The following VPS45 variants were observed in gnomAD, a reference collection of about 807,000 sequenced individuals.
VPS45 encodes vacuolar protein sorting-associated protein 45.
VPS45 carries 35 observed loss-of-function variants against 75.9 expected under a neutral mutation model. That is an observed-to-expected ratio of 0.46 (90% confidence interval 0.35 to 0.61). The LOEUF (loss-of-function observed/expected upper bound fraction) is 0.61, where lower values mean the gene tolerates loss of function less well. Among genes scored for constraint, VPS45 ranks in the 20% least tolerant of loss-of-function variants. The pLI, the probability that VPS45 is intolerant of heterozygous loss-of-function variation, is 0.00. For synonymous variants in VPS45, 220 were observed against 238.2 expected (o/e 0.92, Z 0.70); for missense variants, 559 against 685.9 (o/e 0.81, Z 2.07).
chr1:150,083,463 G>T (rs2101540957), intron 10 of VPS45, among the ~76,000 whole-genome samples: 1 of 151,904 alleles, frequency 6.6e-6, no homozygotes, highest in East Asian at 1.9e-4. Flanking sequence ...ACCAGCAATT[G>T]TAATACCAAG....
intron 13 of VPS45, among the ~76,000 whole-genome samples, chr1:150,103,274 A>G (rs1657139570): frequency 6.6e-6 from 1 of 152,136 alleles, no homozygotes; most frequent in Non-Finnish European, 1.5e-5. Flanking sequence ...AAGATTTGCT[A>G]TGTGTTTTAC....
chr1:150,106,682 GC>G (rs1266975037), intron 13 of VPS45, among the ~76,000 whole-genome samples: 1 of 151,878 alleles, frequency 6.6e-6, no homozygotes, highest in Non-Finnish European at 1.5e-5. Flanking sequence ...CTTCTTCTCT[GC>G]CGACTTCTTT....
chr1:150,091,350 T>TA (rs1356202639), intron 10 of VPS45, among the ~76,000 whole-genome samples: 3 of 152,198 alleles, frequency 2.0e-5, no homozygotes, highest in African/African-American at 7.2e-5. Flanking sequence ...ATATGAGGAT[T>TA]AAAAAATGTA....
rs782103891 is a variant in VPS45, at chr1:150,077,220, G to A, written c.565G>A (p.Glu189Lys). The change falls in exon 6 of 15, where the codon GAG (glutamate) becomes AAG (lysine). Residue 189 changes from glutamate (E) to lysine (K), a missense_variant. Physicochemically the swap from Glu to Lys is moderately conservative, Grantham distance 56. Coordinates refer to ENST00000644510, the MANE Select transcript of VPS45 (RefSeq NM_007259.5). ...ATCAGAGGCAGCAAAGAGACTTGCA[G>A]AGTGCGTTAAGGTATGGCATTACCT... ...LSSEAAKRLA[E>K]CVKQVITKEY... 45 of 1,613,792 alleles carry A rather than the reference G, an allele frequency of 2.8e-5. No individual in the cohort carries two copies. The highest frequency in any genetic ancestry group is 3.6e-5 in the Non-Finnish European group (43 of 1,179,964).
chr1:150,120,559 T>C (rs1658181178), intron 14 of VPS45, among the ~76,000 whole-genome samples: 1 of 152,214 alleles, frequency 6.6e-6, no homozygotes, highest in Non-Finnish European at 1.5e-5. Context: ...ATTAGTTTAA[T>C]CTGAAATTGA....
intron 14 of VPS45, among the ~76,000 whole-genome samples, chr1:150,126,099 C>A (rs937856199): frequency 3.9e-5 from 6 of 152,066 alleles, no homozygotes; most frequent in African/African-American, 1.4e-4. Flanking sequence ...GTGAGGCAGT[C>A]TGAAATATTG....
chr1:150,098,882 CT>C lies in VPS45; in HGVS notation c.1493+5239del. The C allele has an allele frequency of 5.5e-6, 7 of 1,271,760 alleles. No individual in the cohort carries two copies. In the South Asian group the frequency reaches 9.1e-5, roughly 16 times the overall value. 78.8% of individuals were successfully genotyped at this position (1,271,760 alleles called of 1,614,324 possible). ...TCTTGTCTCTGATAAAGGCAAGCAA[CT>C]TTTTCATTTGGTGAGGAAATGGAGC... On this transcript the variant is annotated intron_variant, in intron 13 of 14. Transcript: ENST00000644510.
At chr1:150,090,395 TTTG>T (rs1656265689) in intron 10 of VPS45, among the ~76,000 whole-genome samples, 1 of 152,230 alleles carries the variant, frequency 6.6e-6, no homozygotes, top group Admixed American at 6.5e-5. Flanking sequence ...TGCTTTTTGT[TTTG>T]TTTTTTGCAT....
chr1:150,067,733 C>A, upstream of VPS45: 1 of 885,692 alleles, frequency 1.1e-6, no homozygotes, highest in Non-Finnish European at 1.8e-6. Flanking sequence ...ACCGTGGCTG[C>A]CCGGACTCCC....
chr1:150,077,852 A>T, intron 7 of VPS45, 73 bp downstream of exon 7: 1 of 1,229,642 alleles, frequency 8.1e-7, no homozygotes, highest in South Asian at 1.2e-5. Flanking sequence ...ATAGGGAAGT[A>T]AAAACATGGT....
At chr1:150,076,840 A>G (rs1187535230) in intron 4 of VPS45, 76 bp from the exon 5 acceptor site, 2 of 1,532,686 alleles carry the variant, frequency 1.3e-6, no homozygotes, top group East Asian at 4.5e-5. Context: ...ATATCATATT[A>G]TATCACTTAT....
intron 14 of VPS45, among the ~76,000 whole-genome samples, chr1:150,128,354 T>C (rs2101642697): frequency 6.6e-6 from 1 of 152,102 alleles, no homozygotes; most frequent in Non-Finnish European, 1.5e-5. Flanking sequence ...TTTAGTTTCA[T>C]AACTATCTGA....
chr1:150,143,288 G>A (rs1553815788), intron 14 of VPS45, among the ~76,000 whole-genome samples: 1 of 152,058 alleles, frequency 6.6e-6, no homozygotes, highest in African/African-American at 2.4e-5. Context: ...TTAATCCTTA[G>A]TCTTGAAGAA....
chr1:150,110,433 A>G (rs1272698329), intron 13 of VPS45, 63 bp from the exon 14 acceptor site: 24 of 1,459,952 alleles, frequency 1.6e-5, no homozygotes, highest in Non-Finnish European at 2.2e-5. Flanking sequence ...AACTCTGTGT[A>G]TGTAAGTCAC....
rs782409016 is a variant in VPS45, at chr1:150,077,079, G to GT, written c.439-10dup. 7 of 1,613,522 alleles carry GT rather than the reference G, an allele frequency of 4.3e-6. No individual in the cohort carries two copies. Among genetic ancestry groups the GT allele is most frequent in the African/African-American group, 1.3e-5 (1 of 74,924 alleles). On this transcript the variant is annotated splice_polypyrimidine_tract_variant and intron_variant, in intron 5 of 14. Coordinates refer to ENST00000644510, the MANE Select transcript of VPS45 (RefSeq NM_007259.5). The stretch of plus-strand genomic sequence containing the variant: ...ATTCAAATATTTTCTCTGAATATAT[G>GT]TTTTTAACAAAAAGGGTCGAAATTG...
chr1:150,113,345 C>T (rs1657748019), intron 14 of VPS45, among the ~76,000 whole-genome samples: 1 of 152,178 alleles, frequency 6.6e-6, no homozygotes, highest in Non-Finnish European at 1.5e-5. Flanking sequence ...CATACATACA[C>T]TTACACACAG....
At position 150,110,479 on chromosome 1, in the gene VPS45, A is replaced by T; in HGVS notation, c.1494-17A>T. The T allele has an allele frequency of 1.9e-6, 3 of 1,599,250 alleles. No homozygotes were observed. Among genetic ancestry groups the T allele is most frequent in the Non-Finnish European group, 2.6e-6 (3 of 1,171,030 alleles). ...TTTTCTTATCCTGTGATAATATCTC[A>T]TTCTTCATTATTGCAGACCTCAGGA... On this transcript the variant is annotated splice_polypyrimidine_tract_variant and intron_variant, in intron 13 of 14. Coordinates refer to ENST00000644510, the MANE Select transcript of VPS45 (RefSeq NM_007259.5).
chr1:150,076,735 T>A, intron 4 of VPS45, 181 bp from the exon 5 acceptor site: 1 of 631,164 alleles, frequency 1.6e-6, no homozygotes, highest in African/African-American at 1.8e-5. Context: ...TACTGTTTTG[T>A]AATTATTTTA....
intron 14 of VPS45, among the ~76,000 whole-genome samples, chr1:150,115,642 C>A (rs1230292974): frequency 1.3e-5 from 2 of 152,228 alleles, no homozygotes; most frequent in East Asian, 3.9e-4. Context: ...CTTGCATATT[C>A]TTCTTTCATT....
Sources: allele counts gnomAD v4.1 joint callset (sites outside exome capture counted in the v4.1 genomes callset), GRCh38; gene constraint gnomAD v4.1.1; transcripts MANE v1.5; gene names NCBI Gene and HGNC (gene_info 2026-07-23, HGNC 2026-07-21).